The following CD207 variants were observed in gnomAD, a reference collection of about 807,000 sequenced individuals.
CD207 encodes the protein C-type lectin domain family 4 member K.
Under a neutral mutation model 31.6 loss-of-function variants are expected in CD207, and 28 were observed. The ratio of observed to expected loss-of-function variants is 0.89; its 90% confidence interval spans 0.66 to 1.21. CD207 has a LOEUF of 1.21. Ranked by LOEUF, CD207 falls within the 50% of genes most tolerant of loss-of-function variation. CD207 has a pLI of 0.00. For synonymous variants in CD207, 168 were observed against 153.9 expected (o/e 1.09, Z -0.68); for missense variants, 388 against 397.8 (o/e 0.98, Z 0.21).
chr2:70,827,638 G>A (rs1050209875), downstream of CD207, among the ~76,000 whole-genome samples: 11 of 151,894 alleles, frequency 7.2e-5, no homozygotes, highest in East Asian at 1.9e-4. Context: ...ACACGTGTGT[G>A]CGCGCACACA....
At chr2:70,825,345 T>C (rs531102577), downstream of CD207, among the ~76,000 whole-genome samples, 1 of 152,272 alleles carries the variant, frequency 6.6e-6, no homozygotes, top group Admixed American at 6.5e-5. Context: ...AGAAAAAGGA[T>C]GTTAGGGGAA....
chr2:70,831,661 G>A (rs781929037), intron 5 of CD207, 40 bp downstream of exon 5: 17 of 1,245,450 alleles, frequency 1.4e-5, no homozygotes, highest in South Asian at 3.6e-5. Flanking sequence ...GGCCATGGCC[G>A]GGGAAAGTCA....
At position 70,833,008 on chromosome 2, in the gene CD207, C is replaced by T. The variant is rs192177291; in HGVS notation, c.609G>A (p.Lys203=). The stretch of plus-strand genomic sequence containing the variant: ...TGAGAGAAAAGTAATAGAAGTTCCC[C>T]TTGAAGTACTTCCAGCCTTGAGAAA... The part of the protein sequence containing the change: ...QVVSQGWKYF[K]GNFYYFSLIP... Residue 203 remains lysine (K), a synonymous_variant, in exon 4 of 6, where the codon AAG becomes AAA. Coordinates refer to ENST00000410009, the MANE Select transcript of CD207 (RefSeq NM_015717.5). 1.9e-6 allele frequency: 3 copies of T among 1,613,892 alleles called. No individual in the cohort carries two copies. In the Admixed American group the frequency reaches 5.0e-5, roughly 27 times the overall value.
chr2:70,835,377 T>C (rs1677586831), intron 2 of CD207, 114 bp downstream of exon 2: 3 of 745,902 alleles, frequency 4.0e-6, no homozygotes, highest in Non-Finnish European at 7.1e-6. Flanking sequence ...AGGAGACAAA[T>C]GAAAAAGCCA....
chr2:70,831,966 C>A (rs1240815833), intron 4 of CD207, 147 bp from the exon 5 acceptor site: 4 of 628,136 alleles, frequency 6.4e-6, no homozygotes, highest in Non-Finnish European at 1.2e-5. Flanking sequence ...CCTGCCCTTG[C>A]CCAGAGCCCA....
At chr2:70,832,759 C>T (rs1036072354) in intron 4 of CD207, 141 bp downstream of exon 4, 44 of 815,668 alleles carry the variant, frequency 5.4e-5, no homozygotes, top group East Asian at 8.3e-5. Flanking sequence ...GGCCCTTATT[C>T]GACATGCTAC....
intron 1 of CD207, 28 bp downstream of exon 1, chr2:70,835,676 G>A: frequency 6.2e-7 from 1 of 1,611,082 alleles, no homozygotes; most frequent in African/African-American, 1.3e-5. Flanking sequence ...AGAACACGGA[G>A]CAGGTTCTCA....
rs1316191633 is a variant in CD207 at position 70,830,963 on chromosome 2, T to A, written c.*87A>T. On this transcript the variant is annotated 3_prime_UTR_variant, in exon 6 of 6. Coordinates refer to ENST00000410009, the MANE Select transcript of CD207 (RefSeq NM_015717.5). ...AAGCAAGAAAAATTAACGTGCAAAG[T>A]CATCCTGGAGTCTGGGGAAGAAAGA... The A allele has an allele frequency of 2.4e-6, 3 of 1,271,398 alleles. No individual in the cohort carries two copies. Among genetic ancestry groups the A allele is most frequent in the African/African-American group, 1.5e-5 (1 of 67,024 alleles). 78.8% of individuals were successfully genotyped at this position (1,271,398 alleles called of 1,614,324 possible). A position where few individuals can be genotyped will look rare whatever the true frequency, so the allele number is the denominator to read the frequency against.
Position 70,833,809 on chromosome 2 carries a change from G to T in CD207, c.402C>A (p.Asn134Lys). Residue 134 changes from asparagine to lysine, a missense_variant, in exon 3 of 6, where the codon AAC (asparagine) becomes AAA (lysine). Transcript: ENST00000410009. Reference protein sequence around the residue: ...LKLKTSVEKANAQIQILTRSW... With the variant: ...LKLKTSVEKAKAQIQILTRSW... The stretch of plus-strand genomic sequence containing the variant: ...TTCTTGTTAAGATCTGGATCTGTGC[G>T]TTGGCCTTCTCCACACTGGTTTTTA... 1 of 1,613,946 alleles carries T rather than the reference G, an allele frequency of 6.2e-7. No homozygotes were observed. The highest frequency in any genetic ancestry group is 8.5e-7 in the Non-Finnish European group (1 of 1,179,876).
chr2:70,835,517 G>A lies in CD207; in HGVS notation c.164C>T (p.Ala55Val), dbSNP rs10489990. 550,116 of 1,612,328 alleles carry A rather than the reference G, an allele frequency of 0.34. 96,343 individuals carry two copies. Among genetic ancestry groups the A allele is most frequent in the Admixed American group, 0.39 (23,256 of 59,956 alleles). The stretch of plus-strand genomic sequence containing the variant: ...AAGGACGGCCTGCAGCAGGACGGAG[G>A]CGACCAGGACCAGCGTCAGGCAGAT... ...ALICLTLVLVASVLLQAVLYP... is the reference protein window; with the variant it reads ...ALICLTLVLVVSVLLQAVLYP... Residue 55 changes from alanine to valine, a missense_variant, in exon 2 of 6, where the codon GCC becomes GTC. Transcript: ENST00000410009.
Position 70,835,597 on chromosome 2 carries a change from G to A in CD207, c.84C>T (p.Pro28=), listed in dbSNP as rs782078673. Residue 28 remains proline, a synonymous_variant, in exon 2 of 6, where the codon CCC becomes CCT. Coordinates refer to ENST00000410009, the MANE Select transcript of CD207 (RefSeq NM_015717.5). ...NISLWPREPP[P]KSGPSLVPGK... is the part of the protein sequence containing the mutation. Reference sequence around the variant, plus strand: ...CCGGGACCAGAGATGGACCGGACTTGGGAGGAGGCTCTGTTGGAAGAAGAA... The same window carrying A: ...CCGGGACCAGAGATGGACCGGACTTAGGAGGAGGCTCTGTTGGAAGAAGAA... 7 of 1,613,820 alleles carry A rather than the reference G, an allele frequency of 4.3e-6. No homozygotes were observed. The South Asian group carries it at 7.7e-5, about 18-fold the overall frequency.
intron 2 of CD207, among the ~76,000 whole-genome samples, chr2:70,834,469 C>A (rs1431466852): frequency 6.6e-6 from 1 of 152,092 alleles, no homozygotes; most frequent in Non-Finnish European, 1.5e-5. Context: ...GCTAGGACAG[C>A]ACCACTCCCC....
At chr2:70,835,669 A>T in intron 1 of CD207, 35 bp downstream of exon 1, 3 of 1,612,066 alleles carry the variant, frequency 1.9e-6, no homozygotes, top group Non-Finnish European at 2.5e-6. Flanking sequence ...TGCACACAGA[A>T]CACGGAGCAG....
At chr2:70,824,406 C>G in the CD207 span, among the ~76,000 whole-genome samples, 1 of 151,912 alleles carries the variant, frequency 6.6e-6, no homozygotes, top group African/African-American at 2.4e-5. Flanking sequence ...TAGATGTACA[C>G]ACAAATATTA....
At chr2:70,833,498 C>T (rs1677527581) in intron 3 of CD207, 148 bp downstream of exon 3, 2 of 908,236 alleles carry the variant, frequency 2.2e-6, no homozygotes, top group South Asian at 2.0e-5. Context: ...AACCTCAAGC[C>T]CTCTCTCCTT....
Position 70,830,954 on chromosome 2 carries a change from C to A in CD207, c.*96G>T. ...ACAATTTTGAAGCAAGAAAAATTAA[C>A]GTGCAAAGTCATCCTGGAGTCTGGG... On this transcript the variant is annotated 3_prime_UTR_variant, in exon 6 of 6. Transcript: ENST00000410009. 8.6e-7 allele frequency: 1 copy of A among 1,167,426 alleles called. No individual in the cohort carries two copies. The highest frequency in any genetic ancestry group is 1.8e-5 in the South Asian group (1 of 56,258). 72.3% of individuals were successfully genotyped at this position (1,167,426 alleles called of 1,614,324 possible).
chr2:70,831,362 G>A (rs370217162), intron 5 of CD207, among the ~76,000 whole-genome samples, 162 bp from the exon 6 acceptor site: 60 of 152,244 alleles, frequency 3.9e-4, no homozygotes, highest in Non-Finnish European at 3.8e-4. Flanking sequence ...GTGAGACTTC[G>A]ACCTCTAAGC....
At position 70,835,481 on chromosome 2, in the gene CD207, G is replaced by A. The variant is rs1677591521; in HGVS notation, c.190+10C>T. ...GGGCTAAGCCCAGACGATGAAACAT[G>A]AGGACTTACAAAGGACGGCCTGCAG... On this transcript the variant is annotated intron_variant, in intron 2 of 5. Transcript: ENST00000410009. The A allele has an allele frequency of 6.3e-7, 1 of 1,592,728 alleles. No homozygotes were observed. Among genetic ancestry groups the A allele is most frequent in the Non-Finnish European group, 8.6e-7 (1 of 1,161,380 alleles).
In CD207 at chr2:70,831,704, A is replaced by G. The variant is rs741326; in HGVS notation, c.833T>C (p.Val278Ala). 0.45 allele frequency: 714,444 copies of G among 1,598,148 alleles called. 163,166 individuals carry two copies. The highest frequency in any genetic ancestry group is 0.69 in the East Asian group (30,722 of 44,746). Residue 278 changes from valine (V) to alanine (A), a missense_variant, in exon 5 of 6, where the codon GTG becomes GCG. Transcript: ENST00000410009. ...DDTPFNKVQS[V>A]RFWIPGEPNN... ...ACGGAGGGCTCCAGGGGCTTACCTC[A>G]CACTTTGGACCTTGTTGAATGGCGT...
Sources: allele counts gnomAD v4.1 joint callset (sites outside exome capture counted in the v4.1 genomes callset), GRCh38; gene constraint gnomAD v4.1.1; transcripts MANE v1.5; gene names NCBI Gene and HGNC (gene_info 2026-07-23, HGNC 2026-07-21).